Variants in CCBE1 observed in about 807,000 individuals in gnomAD.
CCBE1 encodes collagen and calcium binding EGF domains 1, also known as collagen and calcium-binding EGF domain-containing protein 1.
CCBE1 carries 37 observed loss-of-function variants against 50.0 expected under a neutral mutation model. That is an observed-to-expected ratio of 0.74 (90% CI 0.57 to 0.97). The LOEUF is 0.97. CCBE1 is among the 50% of genes least tolerant of loss of function. The pLI is 0.00. For synonymous variants in CCBE1, 234 were observed against 203.7 expected (o/e 1.15, Z -1.27); for missense variants, 538 against 523.8 (o/e 1.03, Z -0.26).
chr18:59,633,803 A>T, intron 2 of CCBE1, among the ~76,000 whole-genome samples: 1 of 152,162 alleles, frequency 6.6e-6, no homozygotes, highest in East Asian at 1.9e-4. Flanking sequence ...TTATGGTATC[A>T]ACATTCCACT....
intron 2 of CCBE1, among the ~76,000 whole-genome samples, chr18:59,644,019 A>T (rs1025188284): frequency 2.0e-5 from 3 of 152,086 alleles, no homozygotes; most frequent in Non-Finnish European, 4.4e-5. Context: ...CTGGTCCCCA[A>T]CCTTTTTGGT....
intron 2 of CCBE1, among the ~76,000 whole-genome samples, chr18:59,602,841 C>T (rs371751195): frequency 3.9e-5 from 6 of 152,284 alleles, no homozygotes; most frequent in East Asian, 1.9e-4. Context: ...CTAAAGATGG[C>T]GCAGCCTAAT....
At chr18:59,491,516 T>C (rs563245206) in intron 2 of CCBE1, among the ~76,000 whole-genome samples, 1 of 152,248 alleles carries the variant, frequency 6.6e-6, no homozygotes, top group South Asian at 2.1e-4. Flanking sequence ...TTGAAACTAA[T>C]AGAAAAAATA....
chr18:59,637,541 T>C (rs937830605), intron 2 of CCBE1, among the ~76,000 whole-genome samples: 1 of 151,962 alleles, frequency 6.6e-6, no homozygotes, highest in Admixed American at 6.6e-5. Context: ...AGCTAAGGTG[T>C]ACAAAGGAAT....
chr18:59,535,839 A>C (rs1041187928), intron 2 of CCBE1, among the ~76,000 whole-genome samples: 6 of 152,214 alleles, frequency 3.9e-5, no homozygotes, highest in Admixed American at 2.0e-4. Flanking sequence ...GAAATAATAA[A>C]ATCAAGATTT....
rs375657926 is a variant in CCBE1, at chr18:59,588,596, C to A, written c.212+108033G>T. ...TAACTCTTGTAGGTAATTTTTCTACCAGATAGCAAGAAGTATTTCTCTTCT... is the reference window on the plus strand; with the variant it reads ...TAACTCTTGTAGGTAATTTTTCTACAAGATAGCAAGAAGTATTTCTCTTCT... On this transcript the variant is annotated intron_variant, in intron 2 of 10. Transcript: ENST00000439986. 7.9e-4 allele frequency among the ~76,000 whole-genome samples: 121 copies of A among 152,212 alleles called. 1 individual carries two copies. The highest frequency in any genetic ancestry group is 2.9e-3 in the African/African-American group (119 of 41,528).
At chr18:59,477,536 CTCTGTGTGTGTGTG>C (rs1009325492) in intron 3 of CCBE1, among the ~76,000 whole-genome samples, 31 of 77,956 alleles carry the variant, frequency 4.0e-4, no homozygotes, top group African/African-American at 1.8e-3. Flanking sequence ...ATTTCCATGT[CTCTGTGTGTGTGTG>C]TGTGTGTGTG....
chr18:59,664,730 G>A (rs1378542880), intron 2 of CCBE1, among the ~76,000 whole-genome samples: 3 of 152,158 alleles, frequency 2.0e-5, no homozygotes, highest in Non-Finnish European at 2.9e-5. Context: ...CAATTCAGAG[G>A]CTGAGACCAG....
chr18:59,455,121 G>A (rs1911127544), intron 5 of CCBE1, 170 bp from the exon 6 acceptor site: 2 of 695,090 alleles, frequency 2.9e-6, no homozygotes, highest in Admixed American at 4.0e-5. Context: ...CATGCCCCAG[G>A]GTCAGGGAAG....
chr18:59,542,276 A>ACTGAATGCCT (rs376065354), intron 2 of CCBE1, among the ~76,000 whole-genome samples: 1 of 151,808 alleles, frequency 6.6e-6, no homozygotes, highest in Non-Finnish European at 1.5e-5. Context: ...TCAGGTAGAA[A>ACTGAATGCCT]TCTTAATAAA....
chr18:59,551,170 C>T (rs1915916732), intron 2 of CCBE1, among the ~76,000 whole-genome samples: 1 of 152,108 alleles, frequency 6.6e-6, no homozygotes, highest in Non-Finnish European at 1.5e-5. Context: ...GATGGCATAG[C>T]CTGCTATACA....
In CCBE1 at chr18:59,466,767, G is replaced by A; in HGVS notation, c.525C>T (p.Thr175=). 1 of 1,613,410 alleles carries A rather than the reference G, an allele frequency of 6.2e-7. No homozygotes were observed. The highest frequency in any genetic ancestry group is 1.1e-5 in the South Asian group (1 of 91,046). The change falls in exon 5 of 11, where the codon ACC becomes ACT. Residue 175 remains threonine (T), a synonymous_variant. Transcript: ENST00000439986. ...TGTCATTGGGATATTTGTCTCCCCTGGTACATGTCTTCCCATCATCTTCCC... is the reference window on the plus strand; with the variant it reads ...TGTCATTGGGATATTTGTCTCCCCTAGTACATGTCTTCCCATCATCTTCCC... The part of the protein sequence containing the change: ...YIREDDGKTC[T]RGDKYPNDTG...
chr18:59,671,461 G>T (rs1427991150), intron 2 of CCBE1, among the ~76,000 whole-genome samples: 1 of 149,136 alleles, frequency 6.7e-6, no homozygotes, highest in Non-Finnish European at 1.5e-5. Context: ...TTGTACCATT[G>T]CATTCCAGCC....
At chr18:59,669,504 T>G (rs1028109609) in intron 2 of CCBE1, among the ~76,000 whole-genome samples, 5 of 152,224 alleles carry the variant, frequency 3.3e-5, no homozygotes, top group African/African-American at 1.2e-4. Context: ...GAGAGGAAAG[T>G]TGGAGTCAAG....
intron 2 of CCBE1, among the ~76,000 whole-genome samples, chr18:59,538,118 C>T (rs370358259): frequency 1.3e-5 from 2 of 152,136 alleles, no homozygotes; most frequent in East Asian, 3.9e-4. Flanking sequence ...ACTTATGGTC[C>T]CATAAATCAA....
At chr18:59,620,912 C>A (rs2053702484) in intron 2 of CCBE1, among the ~76,000 whole-genome samples, 1 of 152,182 alleles carries the variant, frequency 6.6e-6, no homozygotes, top group Non-Finnish European at 1.5e-5. Context: ...AACATCCCTG[C>A]ACTGGCCAGG....
intron 2 of CCBE1, among the ~76,000 whole-genome samples, chr18:59,608,011 G>GA (rs2053522849): frequency 7.8e-6 from 1 of 128,204 alleles, no homozygotes; most frequent in Admixed American, 8.2e-5. Context: ...AGGAAGCAGA[G>GA]GTGTAGTGAG....
At chr18:59,546,680 C>T (rs1598999587) in intron 2 of CCBE1, among the ~76,000 whole-genome samples, 1 of 152,174 alleles carries the variant, frequency 6.6e-6, no homozygotes, top group South Asian at 2.1e-4. Context: ...AAATCCAAAT[C>T]CCTTCCCACA....
intron 2 of CCBE1, among the ~76,000 whole-genome samples, chr18:59,481,483 C>T (rs1438174760): frequency 6.6e-6 from 1 of 151,984 alleles, no homozygotes; most frequent in Admixed American, 6.6e-5. Flanking sequence ...TTTGGCAAGC[C>T]CCAAACGCCT....
Sources: allele counts gnomAD v4.1 joint callset (sites outside exome capture counted in the v4.1 genomes callset), GRCh38; gene constraint gnomAD v4.1.1; transcripts MANE v1.5; gene names NCBI Gene and HGNC (gene_info 2026-07-23, HGNC 2026-07-21).